The following POLR1B variants were observed in gnomAD, a reference collection of about 807,000 sequenced individuals.
POLR1B encodes RNA polymerase I subunit B, also known as DNA-directed RNA polymerase I subunit RPA2.
A neutral mutation model predicts 105.8 loss-of-function variants in POLR1B; 30 were observed. The ratio of observed to expected loss-of-function variants is 0.28; its 90% CI spans 0.21 to 0.38. POLR1B has a LOEUF of 0.38. Ranked by LOEUF, POLR1B falls within the 10% of genes least tolerant of loss-of-function variation. POLR1B has a pLI of 1.00. For synonymous variants in POLR1B, 485 were observed against 505.1 expected (o/e 0.96, Z 0.53); for missense variants, 976 against 1,435.8 (o/e 0.68, Z 5.17).
Position 112,564,546 on chromosome 2 carries a change from T to C in POLR1B, c.1746+47T>C, listed in dbSNP as rs139822506. The C allele has an allele frequency of 2.2e-5, 35 of 1,611,672 alleles. No homozygotes were observed. The African/African-American group carries it at 4.3e-4, about 20-fold the overall frequency. Reference sequence around the variant, plus strand: ...TTGTCCTATCCCTTGACCTTAGGTTTTTCAGTTCCTTTCTAGTTTTGGGGT... The same window carrying C: ...TTGTCCTATCCCTTGACCTTAGGTTCTTCAGTTCCTTTCTAGTTTTGGGGT... On this transcript the variant is annotated intron_variant, in intron 10 of 14. Coordinates refer to ENST00000263331, the MANE Select transcript of POLR1B (RefSeq NM_019014.6).
intron 14 of POLR1B, among the ~76,000 whole-genome samples, chr2:112,574,281 T>C (rs1684749617): frequency 1.3e-5 from 2 of 152,252 alleles, no homozygotes; most frequent in South Asian, 4.1e-4. Flanking sequence ...TATTTTACAA[T>C]ATAATTTATT....
chr2:112,560,706 C>T (rs1374493600), intron 9 of POLR1B, among the ~76,000 whole-genome samples: 1 of 152,086 alleles, frequency 6.6e-6, no homozygotes, highest in African/African-American at 2.4e-5. Context: ...TAAGTGTTCT[C>T]AGGCAACTAG....
rs543095845 is a variant in POLR1B, at chr2:112,576,450, A to G, written c.*721A>G. On this transcript the variant is annotated 3_prime_UTR_variant, in exon 15 of 15. Transcript: ENST00000263331. ...TTGTTAATTCCAGGCACCATGTTGT[A>G]CAACAGATCTTTAGACCTTACTTGT... 2 of 152,336 alleles carry G rather than the reference A, an allele frequency of 1.3e-5. No homozygotes were observed. Among genetic ancestry groups the G allele is most frequent in the Non-Finnish European group, 2.9e-5 (2 of 68,030 alleles). 9.4% of individuals were successfully genotyped at this position (152,336 alleles called of 1,614,324 possible). A position where few individuals can be genotyped will look rare whatever the true frequency, so the allele number is the denominator to read the frequency against.
chr2:112,572,896 C>G, intron 13 of POLR1B, 138 bp downstream of exon 13: 1 of 706,294 alleles, frequency 1.4e-6, no homozygotes, highest in Non-Finnish European at 2.2e-6. Context: ...ATGATTAGTT[C>G]TTAGTCTAAG....
chr2:112,542,415 G>A (rs781000806), upstream of POLR1B: 1 of 1,612,558 alleles, frequency 6.2e-7, no homozygotes. Flanking sequence ...ACGGGACTGC[G>A]GCCACTACTT....
At position 112,573,633 on chromosome 2, in the gene POLR1B, C is replaced by A; in HGVS notation, c.2343C>A (p.Leu781=). ...TCTACAAGTCTGAGTTCATAGACCT[C>A]TCTGAAAAAATTAAACAAGGAGATA... ...GSVYKSEFID[L]SEKIKQGDSS... Residue 781 remains leucine, a synonymous_variant, in exon 14 of 15, where the codon CTC becomes CTA. Coordinates refer to ENST00000263331, the MANE Select transcript of POLR1B (RefSeq NM_019014.6). 1 of 1,614,162 alleles carries A rather than the reference C, an allele frequency of 6.2e-7. No homozygotes were observed. The highest frequency in any genetic ancestry group is 1.1e-5 in the South Asian group (1 of 91,080).
Position 112,575,486 on chromosome 2 carries a change from T to C in POLR1B, c.3165T>C (p.His1055=). The change falls in exon 15 of 15, where the codon CAT becomes CAC. Residue 1055 remains histidine, a synonymous_variant. Coordinates refer to ENST00000263331, the MANE Select transcript of POLR1B (RefSeq NM_019014.6). The surrounding 1 kb of genome is among the most constrained non-coding windows in gnomAD (Gnocchi z 5.3). The part of the protein sequence containing the change: ...LLAHGTSFLL[H]DRLFNCSDRS... ...CTCATGGTACATCTTTTCTCCTTCATGACCGCCTCTTCAACTGCTCAGATC... is the reference window on the plus strand; with the variant it reads ...CTCATGGTACATCTTTTCTCCTTCACGACCGCCTCTTCAACTGCTCAGATC... 6.2e-7 allele frequency: 1 copy of C among 1,614,182 alleles called. No homozygotes were observed. The highest frequency in any genetic ancestry group is 8.5e-7 in the Non-Finnish European group (1 of 1,180,038).
Position 112,554,225 on chromosome 2 carries a change from C to T in POLR1B, c.1158+1409C>T, listed in dbSNP as rs541834199. On this transcript the variant is annotated intron_variant, in intron 7 of 14. Coordinates refer to ENST00000263331, the MANE Select transcript of POLR1B (RefSeq NM_019014.6). ...TCAGCTCACTGCAACCTCCACCTCC[C>T]GGGTTCAAACAATTCTCCTGCCTCA... 7.9e-5 allele frequency among the ~76,000 whole-genome samples: 12 copies of T among 152,006 alleles called. No individual in the cohort carries two copies. In the South Asian group the frequency reaches 1.9e-3, roughly 24 times the overall value.
intron 12 of POLR1B, among the ~76,000 whole-genome samples, chr2:112,570,741 A>G (rs1195163535): frequency 6.7e-6 from 1 of 149,554 alleles, no homozygotes; most frequent in Non-Finnish European, 1.5e-5. Flanking sequence ...GCATGCCTGT[A>G]TTTTTCAAGT....
chr2:112,551,090 A>T, intron 5 of POLR1B, 88 bp downstream of exon 5: 3 of 1,311,664 alleles, frequency 2.3e-6, no homozygotes, highest in Non-Finnish European at 3.3e-6. Context: ...TCCTTGTTAA[A>T]ATAATACTGT....
At chr2:112,556,370 G>A (rs1394099126) in intron 7 of POLR1B, among the ~76,000 whole-genome samples, 1 of 152,204 alleles carries the variant, frequency 6.6e-6, no homozygotes, top group East Asian at 1.9e-4. Context: ...CTACTAGTGT[G>A]TAGTCAGTTG....
intron 8 of POLR1B, 44 bp from the exon 9 acceptor site, chr2:112,559,249 T>C (rs1432135718): frequency 1.2e-6 from 2 of 1,602,222 alleles, no homozygotes; most frequent in African/African-American, 2.7e-5. Flanking sequence ...ATTTCCATTT[T>C]TCAAAAGATT....
intron 7 of POLR1B, among the ~76,000 whole-genome samples, chr2:112,557,034 A>C (rs1683699069): frequency 6.6e-6 from 1 of 152,200 alleles, no homozygotes; most frequent in South Asian, 2.1e-4. Context: ...CTGTAATCCC[A>C]GCACTTTGGA....
intron 1 of POLR1B, among the ~76,000 whole-genome samples, chr2:112,546,143 A>T (rs958927572): frequency 6.6e-6 from 1 of 152,084 alleles, no homozygotes; most frequent in African/African-American, 2.4e-5. Context: ...GAGCTTGGTG[A>T]TGCCCCTTCC....
intron 7 of POLR1B, among the ~76,000 whole-genome samples, chr2:112,557,117 C>T (rs1391385573): frequency 1.3e-5 from 2 of 152,062 alleles, no homozygotes; most frequent in Non-Finnish European, 2.9e-5. Context: ...ACCCCCATCT[C>T]TACAAAAAAA....
chr2:112,559,351 A>G lies in POLR1B; in HGVS notation c.1389A>G (p.Ile463Met). ...LCVVADKLNF[I>M]RYLSHFRCVH... ...TTGTGGCTGACAAGCTGAACTTCAT[A>G]CGCTACCTCTCCCATTTCCGCTGCG... The change falls in exon 9 of 15, where the codon ATA (isoleucine) becomes ATG (methionine). Residue 463 changes from isoleucine (I) to methionine (M), a missense_variant. Ile to Met is a conservative substitution (Grantham distance 10). Around this residue, in one of 12 missense-constraint regions of POLR1B, gnomAD observed 452 missense variants for 616.5 expected, o/e 0.73. Coordinates refer to ENST00000263331, the MANE Select transcript of POLR1B (RefSeq NM_019014.6). 6.2e-7 allele frequency: 1 copy of G among 1,614,142 alleles called. No homozygotes were observed. The highest frequency in any genetic ancestry group is 8.5e-7 in the Non-Finnish European group (1 of 1,180,022).
Position 112,547,070 on chromosome 2 carries a change from A to G in POLR1B, c.236A>G (p.Asp79Gly). Residue 79 changes from aspartate (D) to glycine (G), a missense_variant, in exon 2 of 15, where the codon GAT becomes GGT. Coordinates refer to ENST00000263331, the MANE Select transcript of POLR1B (RefSeq NM_019014.6). ...KDERISFTIL[D>G]AVISPPTVPK... ...GAGCGTATCTCTTTTACTATTCTGGATGCTGTTATCAGTCCACCTACAGTT... is the reference window on the plus strand; with the variant it reads ...GAGCGTATCTCTTTTACTATTCTGGGTGCTGTTATCAGTCCACCTACAGTT... 1.2e-6 allele frequency: 2 copies of G among 1,614,148 alleles called. No individual in the cohort carries two copies. The highest frequency in any genetic ancestry group is 1.1e-5 in the South Asian group (1 of 91,080).
intron 7 of POLR1B, among the ~76,000 whole-genome samples, chr2:112,556,963 C>T (rs975316757): frequency 3.3e-5 from 5 of 152,082 alleles, no homozygotes; most frequent in Non-Finnish European, 7.4e-5. Context: ...TGTGAACATT[C>T]GAAATCCCCT....
In POLR1B at chr2:112,547,023, C is replaced by G. The variant is rs1381532980; in HGVS notation, c.189C>G (p.Pro63=). The change falls in exon 2 of 15, where the codon CCC becomes CCG. Residue 63 remains proline, a synonymous_variant. Coordinates refer to ENST00000263331, the MANE Select transcript of POLR1B (RefSeq NM_019014.6). ...GAATTGCATTTCAGGCTATACCTCC[C>G]TTTGAATTTGCTTTCAAAGATGAGC... ...GLGLAVQAIP[P]FEFAFKDERI... 6.2e-7 allele frequency: 1 copy of G among 1,614,108 alleles called. No homozygotes were observed. Among genetic ancestry groups the G allele is most frequent in the African/African-American group, 1.3e-5 (1 of 75,036 alleles).
Sources: allele counts gnomAD v4.1 joint callset (sites outside exome capture counted in the v4.1 genomes callset), GRCh38; gene constraint gnomAD v4.1.1; regional missense constraint gnomAD v4.1.1; non-coding constraint Gnocchi (gnomAD v3.1); transcripts MANE v1.5; gene names NCBI Gene and HGNC (gene_info 2026-07-23, HGNC 2026-07-21).